The following ALKAL1 variants were observed in gnomAD, a reference collection of about 807,000 sequenced individuals.
The protein encoded by ALKAL1 is AUG-beta.
ALKAL1 carries 23 observed loss-of-function variants against 13.5 expected under a neutral mutation model. The observed-to-expected ratio is 1.70, with a 90% CI of 1.23 to 2.41. The LOEUF is 2.41. ALKAL1 is among the 30% of genes most tolerant of loss of function. The pLI, the probability that ALKAL1 is intolerant of heterozygous loss-of-function variation, is 0.00. For synonymous variants in ALKAL1, 85 were observed against 77.7 expected (o/e 1.09, Z -0.49); for missense variants, 181 against 178.4 (o/e 1.01, Z -0.08).
intron 1 of ALKAL1, among the ~76,000 whole-genome samples, chr8:52,555,480 T>C (rs1432191127): frequency 6.6e-6 from 1 of 152,182 alleles, no homozygotes; most frequent in Admixed American, 6.5e-5. Context: ...ATTGAGATTC[T>C]GTAGCTGAGA....
intron 1 of ALKAL1, 99 bp downstream of exon 1, chr8:52,564,968 T>C: frequency 1.0e-6 from 1 of 984,118 alleles, no homozygotes; most frequent in Non-Finnish European, 1.3e-6. Flanking sequence ...GCTGTACTAA[T>C]CTCAGGCTTC....
At chr8:52,538,388 G>T in intron 4 of ALKAL1, 43 bp downstream of exon 4, 3 of 1,118,252 alleles carry the variant, frequency 2.7e-6, no homozygotes, top group Non-Finnish European at 4.0e-6. Context: ...TAAAAATAAA[G>T]TTAGACTATT....
rs7008167 is a variant in ALKAL1 at position 52,565,270 on chromosome 8, G to A, written c.-14C>T. The A allele has an allele frequency of 2.9e-4, 382 of 1,307,188 alleles. 4 individuals carry two copies. The African/African-American group carries it at 5.3e-3, about 18-fold the overall frequency. 81.0% of individuals were successfully genotyped at this position (1,307,188 alleles called of 1,614,324 possible). ...AAGGGGCCGCATGTTCGCAAGCCGG[G>A]AGGAGAGAGCGGGAGACTCCGGGAG... On this transcript the variant is annotated 5_prime_UTR_variant, in exon 1 of 5. Transcript: ENST00000358543.
chr8:52,540,356 T>C (rs765520993), intron 2 of ALKAL1, among the ~76,000 whole-genome samples: 1 of 152,214 alleles, frequency 6.6e-6, no homozygotes, highest in Non-Finnish European at 1.5e-5. Context: ...CTTATTACTG[T>C]CTAGGATAAT....
chr8:52,552,582 A>G (rs1424938082), intron 1 of ALKAL1, among the ~76,000 whole-genome samples: 1 of 152,146 alleles, frequency 6.6e-6, no homozygotes, highest in East Asian at 1.9e-4. Context: ...TTACTCATTT[A>G]TTTACACAAG....
intron 3 of ALKAL1, 140 bp downstream of exon 3, chr8:52,539,691 G>C: frequency 1.6e-6 from 1 of 628,690 alleles, no homozygotes. Flanking sequence ...CTTAGGTTCT[G>C]TCAGTGTTCT....
At chr8:52,549,799 A>G (rs1002825587) in intron 1 of ALKAL1, among the ~76,000 whole-genome samples, 1 of 151,964 alleles carries the variant, frequency 6.6e-6, no homozygotes, top group Admixed American at 6.6e-5. Context: ...AAAATTAGTC[A>G]GGCGTGGTGG....
chr8:52,538,403 A>C (rs773316292), intron 4 of ALKAL1, 28 bp downstream of exon 4: 2 of 1,295,300 alleles, frequency 1.5e-6, no homozygotes. Context: ...ACTATTAAAC[A>C]GGATAAGAAA....
At chr8:52,548,908 A>G (rs1358663608) in intron 1 of ALKAL1, among the ~76,000 whole-genome samples, 5 of 152,118 alleles carry the variant, frequency 3.3e-5, no homozygotes, top group African/African-American at 1.2e-4. Flanking sequence ...TTGGCATACT[A>G]TCTCTTATTC....
chr8:52,541,794 A>G (rs1458502934), intron 2 of ALKAL1, among the ~76,000 whole-genome samples: 1 of 152,160 alleles, frequency 6.6e-6, no homozygotes, highest in African/African-American at 2.4e-5. Flanking sequence ...ATATTTTTAA[A>G]AGATGTAGCA....
At chr8:52,537,018 TA>T (rs1157282341) in intron 4 of ALKAL1, among the ~76,000 whole-genome samples, 8 of 152,158 alleles carry the variant, frequency 5.3e-5, no homozygotes, top group Non-Finnish European at 8.8e-5. Flanking sequence ...TTAAGAAAAT[TA>T]GGCTATTAAC....
At chr8:52,560,816 A>T (rs1030323661) in intron 1 of ALKAL1, among the ~76,000 whole-genome samples, 2 of 152,170 alleles carry the variant, frequency 1.3e-5, no homozygotes, top group Non-Finnish European at 2.9e-5. Flanking sequence ...TGCCCAACAG[A>T]CGTCTGGTCA....
intron 1 of ALKAL1, among the ~76,000 whole-genome samples, chr8:52,549,400 T>C (rs1847407744): frequency 6.6e-6 from 1 of 150,836 alleles, no homozygotes; most frequent in Non-Finnish European, 1.5e-5. Context: ...AATTCAAATT[T>C]GTAAAATATA....
rs1847589648 is a variant in ALKAL1 at position 52,565,244 on chromosome 8, T to A, written c.13A>T (p.Lys5Ter). Residue 5 changes from lysine (K) to a stop codon, truncating the protein, a stop_gained, in exon 1 of 5, where the codon AAG becomes TAG. Coordinates refer to ENST00000358543, the MANE Select transcript of ALKAL1 (RefSeq NM_207413.4). LOFTEE classifies it high-confidence loss of function. ...AGTGCGGGCAAAGGGGCGCCGGGCT[T>A]AAGGGGCCGCATGTTCGCAAGCCGG... MRPL[K>*]PGAPLPALFL... is the part of the protein sequence containing the mutation. The A allele has an allele frequency of 4.6e-6, 6 of 1,314,624 alleles. No homozygotes were observed. In the Admixed American group the frequency reaches 2.0e-4, roughly 45 times the overall value. 81.4% of individuals were successfully genotyped at this position (1,314,624 alleles called of 1,614,324 possible).
At chr8:52,541,503 C>T (rs1449395363) in intron 2 of ALKAL1, among the ~76,000 whole-genome samples, 4 of 152,140 alleles carry the variant, frequency 2.6e-5, no homozygotes, top group Admixed American at 2.0e-4. Flanking sequence ...CGTGGTGGCT[C>T]ACACTTGTAA....
chr8:52,553,990 G>A (rs1325901336), intron 1 of ALKAL1, among the ~76,000 whole-genome samples: 5 of 152,208 alleles, frequency 3.3e-5, no homozygotes, highest in Admixed American at 6.5e-5. Flanking sequence ...TTGGGAGGCC[G>A]AGGCGGGCAG....
chr8:52,544,371 GAAGGT>G (rs1362923493), intron 1 of ALKAL1, among the ~76,000 whole-genome samples: 1 of 152,208 alleles, frequency 6.6e-6, no homozygotes, highest in African/African-American at 2.4e-5. Context: ...CCAGAGATAA[GAAGGT>G]AAGAAGAGAT....
intron 1 of ALKAL1, among the ~76,000 whole-genome samples, chr8:52,543,959 T>C (rs1847340274): frequency 1.3e-5 from 2 of 152,260 alleles, no homozygotes; most frequent in African/African-American, 2.4e-5. Context: ...TTTAAGTAAA[T>C]TACCCTCCTC....
chr8:52,561,712 C>T (rs1175678758), intron 1 of ALKAL1, among the ~76,000 whole-genome samples: 1 of 152,174 alleles, frequency 6.6e-6, no homozygotes, highest in Non-Finnish European at 1.5e-5. Flanking sequence ...CGTTGATTTG[C>T]CATTGTTCAG....
Sources: gnomAD v4.1 joint callset for allele counts (sites outside exome capture counted in the v4.1 genomes callset) on GRCh38, gnomAD v4.1.1 for gene constraint, MANE v1.5 for transcripts, NCBI Gene and HGNC (gene_info 2026-07-23, HGNC 2026-07-21) for gene names.